ANO10: variants seen among roughly 807,000 people sequenced by gnomAD.
ANO10 encodes the protein anoctamin-10.
Under a neutral mutation model 74.7 loss-of-function variants are expected in ANO10, and 77 were observed. The observed-to-expected ratio is 1.03, with a 90% CI of 0.86 to 1.25. The LOEUF (loss-of-function observed/expected upper bound fraction) is 1.25, where lower values mean the gene tolerates loss of function less well. ANO10 is among the 50% of genes most tolerant of loss of function. The pLI, the probability that ANO10 is intolerant of heterozygous loss-of-function variation, is 0.00. For synonymous variants in ANO10, 279 were observed against 284.9 expected, an observed-to-expected ratio of 0.98 and a Z score of 0.21; for missense variants, 721 against 778.1, an observed-to-expected ratio of 0.93 and a Z score of 0.87.
Position 43,545,159 on chromosome 3 carries a change from T to G in ANO10, c.1797+4561A>C, listed in dbSNP as rs147716716. On this transcript the variant is annotated intron_variant, in intron 11 of 12. Coordinates refer to ENST00000292246, the MANE Select transcript of ANO10 (RefSeq NM_018075.5). ...TTTCTGCTCTTATAGGGGCCATGAATAAACATATGAAAGTATAGCATGCTG... is the reference window on the plus strand; with the variant it reads ...TTTCTGCTCTTATAGGGGCCATGAAGAAACATATGAAAGTATAGCATGCTG... 2.9e-4 allele frequency among the ~76,000 whole-genome samples: 44 copies of G among 152,272 alleles called. No individual in the cohort carries two copies. The East Asian group carries it at 7.7e-3, about 27-fold the overall frequency.
intron 11 of ANO10, among the ~76,000 whole-genome samples, chr3:43,439,825 T>G (rs1038064749): frequency 6.6e-6 from 1 of 152,098 alleles, no homozygotes; most frequent in Non-Finnish European, 1.5e-5. Context: ...GTGGTTGCAG[T>G]GACCTGTGAT....
At chr3:43,500,722 T>A (rs2077069862) in intron 11 of ANO10, among the ~76,000 whole-genome samples, 1 of 152,214 alleles carries the variant, frequency 6.6e-6, no homozygotes, top group Admixed American at 6.5e-5. Flanking sequence ...CAACCCTGAG[T>A]GACACTTTAG....
chr3:43,632,788 G>A (rs1014320929), intron 1 of ANO10, among the ~76,000 whole-genome samples: 4 of 152,172 alleles, frequency 2.6e-5, no homozygotes, highest in South Asian at 2.1e-4. Context: ...GGTAATTCAC[G>A]ATTTGATTTT....
intron 12 of ANO10, among the ~76,000 whole-genome samples, chr3:43,417,417 G>C (rs2148905482): frequency 6.6e-6 from 1 of 152,224 alleles, no homozygotes; most frequent in African/African-American, 2.4e-5. Context: ...CAATCTGTGA[G>C]CCCTACTTAA....
intron 12 of ANO10, chr3:43,424,421 C>CT (rs775841687): frequency 2.6e-5 from 4 of 152,244 alleles, no homozygotes; most frequent in Non-Finnish European, 5.9e-5. Context: ...GCCAGACCAC[C>CT]TTTATAAAAC....
intron 11 of ANO10, among the ~76,000 whole-genome samples, chr3:43,494,467 T>C (rs1265823755): frequency 6.6e-6 from 1 of 151,782 alleles, no homozygotes; most frequent in East Asian, 1.9e-4. Context: ...AAATAAAAAA[T>C]AGAATGAATA....
At chr3:43,502,413 C>A (rs375383779) in intron 11 of ANO10, among the ~76,000 whole-genome samples, 134 of 152,240 alleles carry the variant, frequency 8.8e-4, no homozygotes, top group African/African-American at 3.1e-3. Context: ...CCTGCCAGAG[C>A]TGGTTGTCAG....
intron 12 of ANO10, chr3:43,372,677 G>C (rs1309141368): frequency 2.4e-5 from 15 of 613,648 alleles, no homozygotes; most frequent in Non-Finnish European, 3.8e-5. Flanking sequence ...TTACCATCTG[G>C]TTTATTCATT....
At chr3:43,576,250 C>T (rs183428582) in intron 6 of ANO10, among the ~76,000 whole-genome samples, 4 of 152,006 alleles carry the variant, frequency 2.6e-5, no homozygotes, top group Non-Finnish European at 4.4e-5. Flanking sequence ...GCCAGTGAAA[C>T]AATTTCAATC....
At chr3:43,550,925 T>C (rs1342405994) in intron 10 of ANO10, among the ~76,000 whole-genome samples, 2 of 152,104 alleles carry the variant, frequency 1.3e-5, no homozygotes, top group Non-Finnish European at 2.9e-5. Context: ...GTATGCAAAA[T>C]AAGCATATTG....
chr3:43,517,302 T>C (rs1468518868), intron 11 of ANO10, among the ~76,000 whole-genome samples: 2 of 152,204 alleles, frequency 1.3e-5, no homozygotes, highest in African/African-American at 2.4e-5. Flanking sequence ...AGCTTAATTA[T>C]ACCTACAGTG....
intron 1 of ANO10, among the ~76,000 whole-genome samples, chr3:43,621,231 A>G (rs2083377067): frequency 6.6e-6 from 1 of 152,220 alleles, no homozygotes; most frequent in Non-Finnish European, 1.5e-5. Flanking sequence ...GAAGGCACCC[A>G]CAAAATCAGA....
At chr3:43,630,417 C>T (rs920315539) in intron 1 of ANO10, among the ~76,000 whole-genome samples, 3 of 151,646 alleles carry the variant, frequency 2.0e-5, no homozygotes, top group Non-Finnish European at 2.9e-5. Context: ...ACACACCAGG[C>T]AAATATAAAC....
At chr3:43,566,319 T>G (rs1018401268) in intron 7 of ANO10, among the ~76,000 whole-genome samples, 20 of 152,222 alleles carry the variant, frequency 1.3e-4, no homozygotes, top group African/African-American at 4.6e-4. Flanking sequence ...AAGCTCGAAC[T>G]GGGTGGAGCC....
intron 11 of ANO10, among the ~76,000 whole-genome samples, chr3:43,464,335 T>A (rs1307675414): frequency 2.6e-5 from 4 of 152,128 alleles, no homozygotes; most frequent in African/African-American, 9.7e-5. Context: ...TATTAGAACA[T>A]CAAATCCAGC....
chr3:43,535,078 A>T (rs1194023513), intron 11 of ANO10, among the ~76,000 whole-genome samples: 1 of 150,944 alleles, frequency 6.6e-6, no homozygotes, highest in Non-Finnish European at 1.5e-5. Flanking sequence ...GGTTCAAGCG[A>T]TTCTTGTGCC....
At chr3:43,444,339 T>C (rs182800280) in intron 11 of ANO10, among the ~76,000 whole-genome samples, 52 of 152,340 alleles carry the variant, frequency 3.4e-4, no homozygotes, top group Middle Eastern at 3.4e-3. Flanking sequence ...CAAAGCAGTT[T>C]CTAGAGCAGA....
intron 12 of ANO10, among the ~76,000 whole-genome samples, chr3:43,413,013 T>A (rs1343279331): frequency 1.3e-5 from 2 of 152,128 alleles, no homozygotes; most frequent in African/African-American, 4.8e-5. Context: ...GTTGCCCCAC[T>A]TGCACTCCAG....
chr3:43,432,723 G>A lies in ANO10; in HGVS notation c.1802C>T (p.Ala601Val), dbSNP rs750300986. ...LILIVVAVEHALLALKFILAF... is the reference protein window; with the variant it reads ...LILIVVAVEHVLLALKFILAF... ...AAGTATAAACTTTAAAGCCAGGAGTGCGTGCTGAAAACAAGAAAGAGTACA... is the reference window on the plus strand; with the variant it reads ...AAGTATAAACTTTAAAGCCAGGAGTACGTGCTGAAAACAAGAAAGAGTACA... Residue 601 changes from alanine (A) to valine (V), a missense_variant, in exon 12 of 13, where the codon GCA becomes GTA. Physicochemically the swap from Ala to Val is moderately conservative, Grantham distance 64. Transcript: ENST00000292246. 6.2e-6 allele frequency: 10 copies of A among 1,608,848 alleles called. No individual in the cohort carries two copies. The highest frequency in any genetic ancestry group is 8.5e-6 in the Non-Finnish European group (10 of 1,175,532).
Sources: allele counts gnomAD v4.1 joint callset (sites outside exome capture counted in the v4.1 genomes callset), GRCh38; gene constraint gnomAD v4.1.1; transcripts MANE v1.5; gene names NCBI Gene and HGNC (gene_info 2026-07-23, HGNC 2026-07-21).